SIK3: variants seen among roughly 807,000 people sequenced by gnomAD.
The protein encoded by SIK3 is SIK family kinase 3.
SIK3 carries 28 observed loss-of-function variants against 144.2 expected under a neutral mutation model. The ratio of observed to expected loss-of-function variants is 0.19; its 90% CI spans 0.14 to 0.27. The LOEUF is 0.27. Ranked by LOEUF, SIK3 falls within the 10% of genes least tolerant of loss-of-function variation. The pLI is 1.00. For synonymous variants in SIK3, 686 were observed against 676.3 expected (o/e 1.01, Z -0.22); for missense variants, 1,319 against 1,776.0 (o/e 0.74, Z 4.62).
chr11:116,920,158 CTT>C (rs752642003), intron 4 of SIK3, among the ~76,000 whole-genome samples: 96 of 141,972 alleles, frequency 6.8e-4, no homozygotes, highest in African/African-American at 2.3e-3. Context: ...GCTGCTCACC[CTT>C]TTTTTTTTTT....
intron 1 of SIK3, among the ~76,000 whole-genome samples, chr11:117,057,645 A>ATTTTTT (rs2135941018): frequency 6.6e-6 from 1 of 152,296 alleles, no homozygotes; most frequent in East Asian, 1.9e-4. Flanking sequence ...AACATTACAC[A>ATTTTTT]GTTATACTCA....
At chr11:116,929,937 C>T (rs559193856) in intron 3 of SIK3, among the ~76,000 whole-genome samples, 92 of 152,288 alleles carry the variant, frequency 6.0e-4, no homozygotes, top group African/African-American at 2.2e-3. Flanking sequence ...TAAAAGGTAG[C>T]TGTAACAGCG....
At chr11:116,937,620 A>T (rs1947990526) in intron 3 of SIK3, among the ~76,000 whole-genome samples, 1 of 152,240 alleles carries the variant, frequency 6.6e-6, no homozygotes, top group Admixed American at 6.5e-5. Context: ...TTTTCAATCA[A>T]TCAGTCTCTC....
intron 4 of SIK3, among the ~76,000 whole-genome samples, chr11:116,900,649 T>A (rs1376309235): frequency 6.6e-6 from 1 of 152,298 alleles, no homozygotes; most frequent in East Asian, 1.9e-4. Context: ...ACATGCTATT[T>A]CCTCTCTGTA....
chr11:116,962,746 T>C (rs1469635130), intron 1 of SIK3, among the ~76,000 whole-genome samples: 1 of 152,164 alleles, frequency 6.6e-6, no homozygotes, highest in Non-Finnish European at 1.5e-5. Context: ...AAATGTAAAA[T>C]ATATACCAGA....
In SIK3 at chr11:116,881,874, C is replaced by T. The variant is rs1267344329; in HGVS notation, c.866-4832G>A. ...ATCTACTTCACAAACCAACCCAATA[C>T]TATTATCTCAATTTTATAGACAAAG... On this transcript the variant is annotated intron_variant, in intron 6 of 24. Coordinates refer to ENST00000445177, the MANE Select transcript of SIK3 (RefSeq NM_001366686.3). Among the ~76,000 whole-genome samples the T allele has an allele frequency of 2.0e-5, 3 of 152,180 alleles. No homozygotes were observed. The East Asian group carries it at 5.8e-4, about 29-fold the overall frequency.
chr11:116,849,506 C>T lies in SIK3; in HGVS notation c.3656-223G>A, dbSNP rs181816317. Among the ~76,000 whole-genome samples the T allele has an allele frequency of 2.2e-4, 33 of 152,232 alleles. No individual in the cohort carries two copies. In the East Asian group the frequency reaches 4.4e-3, roughly 20 times the overall value. On this transcript the variant is annotated intron_variant, in intron 21 of 24. Transcript: ENST00000445177. This position sits in a 1 kb window ranked among gnomAD's most constrained non-coding sequence, Gnocchi z 4.2. ...CCACACCCTTAGGGAAAAAATTCCA[C>T]GTAACAGGGCATGGCTGGACCCCAC...
chr11:117,004,754 T>G (rs565609254), intron 1 of SIK3, among the ~76,000 whole-genome samples: 1 of 152,188 alleles, frequency 6.6e-6, no homozygotes, highest in Non-Finnish European at 1.5e-5. Context: ...CAACCAACTC[T>G]TGTAAGATTC....
At chr11:117,007,288 C>T (rs1951083265) in intron 1 of SIK3, among the ~76,000 whole-genome samples, 4 of 152,086 alleles carry the variant, frequency 2.6e-5, no homozygotes, top group African/African-American at 9.7e-5. Context: ...TGATGTGAGA[C>T]AATCGCTTGA....
intron 1 of SIK3, among the ~76,000 whole-genome samples, chr11:116,975,359 T>A (rs1591461208): frequency 6.6e-6 from 1 of 152,160 alleles, no homozygotes; most frequent in African/African-American, 2.4e-5. Flanking sequence ...CACTCCTCAT[T>A]CCCCCACTCC....
At chr11:116,976,062 C>G (rs1486842930) in intron 1 of SIK3, among the ~76,000 whole-genome samples, 1 of 152,136 alleles carries the variant, frequency 6.6e-6, no homozygotes, top group Non-Finnish European at 1.5e-5. Flanking sequence ...AATTATTAGA[C>G]TTTTTACTAT....
At chr11:117,072,646 T>C (rs1176834345) in intron 1 of SIK3, among the ~76,000 whole-genome samples, 1 of 152,186 alleles carries the variant, frequency 6.6e-6, no homozygotes, top group African/African-American at 2.4e-5. Context: ...GAATGGGTTA[T>C]CACTAAGGTC....
At chr11:116,944,465 GCAAT>G (rs56983284) in intron 3 of SIK3, among the ~76,000 whole-genome samples, 128,365 of 151,282 alleles carry the variant, frequency 0.85, 55,054 homozygotes, top group Non-Finnish European at 0.89. Flanking sequence ...AATCATGTGA[GCAAT>G]CAATCAATCA....
chr11:116,924,327 TTAAC>T (rs956340474), intron 4 of SIK3, among the ~76,000 whole-genome samples: 1 of 151,752 alleles, frequency 6.6e-6, no homozygotes, highest in African/African-American at 2.4e-5. Flanking sequence ...AGAAATTTCT[TTAAC>T]TAAATCAAAA....
At chr11:116,851,837 C>T (rs1415766799) in intron 21 of SIK3, among the ~76,000 whole-genome samples, 1 of 152,200 alleles carries the variant, frequency 6.6e-6, no homozygotes, top group Non-Finnish European at 1.5e-5. Context: ...GGAAGTGGGG[C>T]AACATGGTTG....
At chr11:116,916,731 C>T (rs1437040885) in intron 4 of SIK3, among the ~76,000 whole-genome samples, 4 of 150,994 alleles carry the variant, frequency 2.6e-5, no homozygotes, top group African/African-American at 9.7e-5. Flanking sequence ...AGGATGGTCT[C>T]GATCTCCTGA....
chr11:116,916,939 T>A (rs7943455), intron 4 of SIK3, among the ~76,000 whole-genome samples: 8,930 of 151,824 alleles, frequency 0.059, 872 homozygotes, highest in African/African-American at 0.21. Context: ...ACCTCATCTC[T>A]ACAAAAAGTA....
intron 1 of SIK3, among the ~76,000 whole-genome samples, chr11:117,047,325 A>G (rs1953014275): frequency 6.6e-6 from 1 of 152,206 alleles, no homozygotes; most frequent in Admixed American, 6.5e-5. Context: ...TCCCTTTGTT[A>G]GAATCCTGGA....
At chr11:116,984,726 GC>G (rs1368617897) in intron 1 of SIK3, among the ~76,000 whole-genome samples, 1 of 152,062 alleles carries the variant, frequency 6.6e-6, no homozygotes, top group Non-Finnish European at 1.5e-5. Flanking sequence ...CCCAAGACAG[GC>G]CTACAAGTCT....
Sources: gnomAD v4.1 joint callset for allele counts (sites outside exome capture counted in the v4.1 genomes callset) on GRCh38, gnomAD v4.1.1 for gene constraint, Gnocchi (gnomAD v3.1) non-coding constraint, MANE v1.5 for transcripts, NCBI Gene and HGNC (gene_info 2026-07-23, HGNC 2026-07-21) for gene names.